The following KLRC2 variants were observed in gnomAD, a reference collection of about 807,000 sequenced individuals.
The protein encoded by KLRC2 is NKG2-C type II integral membrane protein.
Under a neutral mutation model 25.5 loss-of-function variants are expected in KLRC2, and 10 were observed. The observed-to-expected ratio is 0.39, with a 90% CI of 0.24 to 0.67. The LOEUF is 0.67. Among genes scored for constraint, KLRC2 ranks in the 30% least tolerant of loss-of-function variants. The pLI, the probability that KLRC2 is intolerant of heterozygous loss-of-function variation, is 0.45. For synonymous variants in KLRC2, 48 were observed against 93.3 expected (o/e 0.51, Z 2.80); for missense variants, 170 against 272.8 (o/e 0.62, Z 2.65).
In KLRC2 at chr12:10,434,091, C is replaced by G. The variant is rs1214643310; in HGVS notation, c.332-149G>C. On this transcript the variant is annotated intron_variant, in intron 3 of 5. Coordinates refer to ENST00000381902, the MANE Select transcript of KLRC2 (RefSeq NM_002260.4). ...AAATGTATATTTTTAATAACTGAGT[C>G]AGTCATACACACATGCACAGACAAG... is the stretch of plus-strand genomic sequence containing the variant. 9 of 1,213,086 alleles carry G rather than the reference C, an allele frequency of 7.4e-6. 1 individual carries two copies. Among genetic ancestry groups the G allele is most frequent in the Non-Finnish European group, 1.0e-5 (9 of 889,022 alleles). The allele number at this position is 1,213,086 out of a possible 1,614,324, so 75.1% of individuals were successfully genotyped here. A position where few individuals can be genotyped will look rare whatever the true frequency, so the allele number is the denominator to read the frequency against.
Position 10,431,743 on chromosome 12 carries a change from C to T in KLRC2, c.584+363G>A, listed in dbSNP as rs1555125941. Among the ~76,000 whole-genome samples, 2 of 136,206 alleles carry T rather than the reference C, an allele frequency of 1.5e-5. 1 individual carries two copies. The highest frequency in any genetic ancestry group is 3.2e-5 in the Non-Finnish European group (2 of 62,820). 89.4% of individuals were successfully genotyped at this position (136,206 alleles called of 152,430 possible). On this transcript the variant is annotated intron_variant, in intron 5 of 5. Coordinates refer to ENST00000381902, the MANE Select transcript of KLRC2 (RefSeq NM_002260.4). ...CAGGACAGCTTTGAATGCGGCCCAA[C>T]ACAAATACGTAAACTTTCTTAAAAC...
chr12:10,434,839 T>G (rs1424716456), intron 2 of KLRC2, among the ~76,000 whole-genome samples: 2 of 151,596 alleles, frequency 1.3e-5, no homozygotes, highest in African/African-American at 4.9e-5. Flanking sequence ...TATCTTTGTG[T>G]GTGTATGTAT....
Position 10,431,013 on chromosome 12 carries a change from AGAGC to A in KLRC2, c.*100_*103del, listed in dbSNP as rs1863804640. The A allele has an allele frequency of 6.2e-6, 7 of 1,126,672 alleles. No homozygotes were observed. Among genetic ancestry groups the A allele is most frequent in the Non-Finnish European group, 7.3e-6 (6 of 827,524 alleles). 69.8% of individuals were successfully genotyped at this position (1,126,672 alleles called of 1,614,324 possible). A position where few individuals can be genotyped will look rare whatever the true frequency, so the allele number is the denominator to read the frequency against. ...ATAATTGATTTAGAATTTTTGTATC[AGAGC>A]AAATAACATAATTCATTTTCAGATT... On this transcript the variant is annotated 3_prime_UTR_variant, in exon 6 of 6. Transcript: ENST00000381902.
chr12:10,433,280 A>G lies in KLRC2; in HGVS notation c.483+511T>C, dbSNP rs1565507147. Among the ~76,000 whole-genome samples the G allele has an allele frequency of 1.4e-5, 2 of 142,178 alleles. 1 individual carries two copies. Among genetic ancestry groups the G allele is most frequent in the Non-Finnish European group, 3.1e-5 (2 of 64,860 alleles). The allele number at this position is 142,178 out of a possible 152,430, so 93.3% of individuals were successfully genotyped here. ...AATATGGAGGAATTGCACAAATATC[A>G]GATAGGATTGAAAAAGACATGAAAT... is the stretch of plus-strand genomic sequence containing the variant. On this transcript the variant is annotated intron_variant, in intron 4 of 5. Coordinates refer to ENST00000381902, the MANE Select transcript of KLRC2 (RefSeq NM_002260.4).
chr12:10,431,777 ATTT>A (rs142647914), intron 5 of KLRC2, among the ~76,000 whole-genome samples: 6 of 120,854 alleles, frequency 5.0e-5, no homozygotes, highest in Non-Finnish European at 3.5e-5. Flanking sequence ...ACATTCTGTG[ATTT>A]TTTTTTTTTT....
In KLRC2 at chr12:10,430,985, T is replaced by G. The variant is rs1454787102; in HGVS notation, c.*132A>C. 5 of 1,187,120 alleles carry G rather than the reference T, an allele frequency of 4.2e-6. 1 individual carries two copies. The highest frequency in any genetic ancestry group is 5.6e-6 in the Non-Finnish European group (5 of 891,344). 73.5% of individuals were successfully genotyped at this position (1,187,120 alleles called of 1,614,324 possible). On this transcript the variant is annotated 3_prime_UTR_variant, in exon 6 of 6. Coordinates refer to ENST00000381902, the MANE Select transcript of KLRC2 (RefSeq NM_002260.4). Reference sequence around the variant, plus strand: ...CTTTAGTAATTGTGTGCATCCTATTTCAATAATTGATTTAGAATTTTTGTA... The same window carrying G: ...CTTTAGTAATTGTGTGCATCCTATTGCAATAATTGATTTAGAATTTTTGTA...
rs1863815781 is a variant in KLRC2 at position 10,431,557 on chromosome 12, T to TA, written c.585-330dup. Among the ~76,000 whole-genome samples, 3 of 141,508 alleles carry TA rather than the reference T, an allele frequency of 2.1e-5. No individual in the cohort carries two copies. In the South Asian group the frequency reaches 6.6e-4, roughly 31 times the overall value. 92.8% of individuals were successfully genotyped at this position (141,508 alleles called of 152,430 possible). On this transcript the variant is annotated intron_variant, in intron 5 of 5. Coordinates refer to ENST00000381902, the MANE Select transcript of KLRC2 (RefSeq NM_002260.4). ...AGAGATTGACAACAATAACTAATAA[T>TA]AAAAAAATTATAGCAATATGCCAAC...
chr12:10,431,046 G>A lies in KLRC2; in HGVS notation c.*71C>T. On this transcript the variant is annotated 3_prime_UTR_variant, in exon 6 of 6. Coordinates refer to ENST00000381902, the MANE Select transcript of KLRC2 (RefSeq NM_002260.4). The stretch of plus-strand genomic sequence containing the variant: ...TAACATAATTCATTTTCAGATTTAT[G>A]CAATCATAATATTTCTATTTTAAGA... 1 of 1,207,068 alleles carries A rather than the reference G, an allele frequency of 8.3e-7. No homozygotes were observed. The highest frequency in any genetic ancestry group is 1.1e-6 in the Non-Finnish European group (1 of 874,356). 74.8% of individuals were successfully genotyped at this position (1,207,068 alleles called of 1,614,324 possible). A position where few individuals can be genotyped will look rare whatever the true frequency, so the allele number is the denominator to read the frequency against.
intron 4 of KLRC2, among the ~76,000 whole-genome samples, chr12:10,433,211 C>T (rs1185026846): frequency 7.1e-6 from 1 of 141,736 alleles, no homozygotes; most frequent in African/African-American, 2.7e-5. Flanking sequence ...GTTCTTTGTA[C>T]ATAGTACAGC....
chr12:10,430,833 A>G lies in KLRC2; in HGVS notation c.*284T>C. On this transcript the variant is annotated 3_prime_UTR_variant, in exon 6 of 6. Coordinates refer to ENST00000381902, the MANE Select transcript of KLRC2 (RefSeq NM_002260.4). ...AACCACTATTCTACTTTCTGTCTCC[A>G]TGGGTTTGACTGTTCTTGGTACTTC... 6.8e-6 allele frequency: 3 copies of G among 440,592 alleles called. No homozygotes were observed. Among genetic ancestry groups the G allele is most frequent in the Non-Finnish European group, 9.9e-6 (3 of 304,266 alleles). The allele number at this position is 440,592 out of a possible 1,614,324, so 27.3% of individuals were successfully genotyped here.
In KLRC2 at chr12:10,432,612, G is replaced by C. The variant is rs1179406648; in HGVS notation, c.484-406C>G. Among the ~76,000 whole-genome samples, 4 of 139,170 alleles carry C rather than the reference G, an allele frequency of 2.9e-5. 1 individual carries two copies. The East Asian group carries it at 6.5e-4, about 23-fold the overall frequency. The allele number at this position is 139,170 out of a possible 152,430, so 91.3% of individuals were successfully genotyped here. ...GGAAGCTACAGATTGGGTTTTCTGG[G>C]TACCACACCATTCTTTAACTAGATA... On this transcript the variant is annotated intron_variant, in intron 4 of 5. Transcript: ENST00000381902.
At position 10,431,563 on chromosome 12, in the gene KLRC2, AATT is replaced by A. The variant is rs1436236417; in HGVS notation, c.585-338_585-336del. Among the ~76,000 whole-genome samples, 2 of 141,748 alleles carry A rather than the reference AATT, an allele frequency of 1.4e-5. 1 individual carries two copies. Among genetic ancestry groups the A allele is most frequent in the African/African-American group, 5.4e-5 (2 of 37,036 alleles). 93.0% of individuals were successfully genotyped at this position (141,748 alleles called of 152,430 possible). On this transcript the variant is annotated intron_variant, in intron 5 of 5. Transcript: ENST00000381902. The stretch of plus-strand genomic sequence containing the variant: ...TGACAACAATAACTAATAATAAAAA[AATT>A]ATAGCAATATGCCAACAGCACTATT...
In KLRC2 at chr12:10,431,190, A is replaced by T. The variant is rs757897651; in HGVS notation, c.623T>A (p.Val208Glu). 1.3e-6 allele frequency: 2 copies of T among 1,549,334 alleles called. No homozygotes were observed. The highest frequency in any genetic ancestry group is 1.1e-5 in the South Asian group (1 of 89,136). ...TGATTTAAGTCGATTTACTTGTAGC[A>T]CTGCACAGTTAAGTTCAGCATTATC... ...DSDNAELNCA[V>E]LQVNRLKSAQ... is the part of the protein sequence containing the mutation. The change falls in exon 6 of 6, where the codon GTG becomes GAG. Residue 208 changes from valine to glutamate, a missense_variant. Physicochemically the swap from Val to Glu is moderately radical, Grantham distance 121. This residue lies in a region of KLRC2 where 129 missense variants were observed against 150.2 expected (regional missense o/e 0.86). Transcript: ENST00000381902.
chr12:10,435,548 T>C, intron 1 of KLRC2, 138 bp from the exon 2 acceptor site: 2 of 1,385,912 alleles, frequency 1.4e-6, no homozygotes, highest in Non-Finnish European at 2.0e-6. Context: ...AATCTACATC[T>C]ACTCTAGTAA....
chr12:10,431,102 G>T lies in KLRC2; in HGVS notation c.*15C>A, dbSNP rs1013693124. 1 of 1,444,570 alleles carries T rather than the reference G, an allele frequency of 6.9e-7. No individual in the cohort carries two copies. The highest frequency in any genetic ancestry group is 2.4e-5 in the East Asian group (1 of 41,112). The allele number at this position is 1,444,570 out of a possible 1,614,324, so 89.5% of individuals were successfully genotyped here. The stretch of plus-strand genomic sequence containing the variant: ...AAAATGTATCTGATGCACTGCAAAC[G>T]CAAATGCTTTACTTCTAAAGCTTAT... On this transcript the variant is annotated 3_prime_UTR_variant, in exon 6 of 6. Coordinates refer to ENST00000381902, the MANE Select transcript of KLRC2 (RefSeq NM_002260.4).
chr12:10,433,746 C>T, intron 4 of KLRC2, 45 bp downstream of exon 4: 1 of 1,512,698 alleles, frequency 6.6e-7, no homozygotes, highest in Non-Finnish European at 9.0e-7. Flanking sequence ...GTATTATTCA[C>T]TGAAGGAAGC....
chr12:10,435,598 T>C (rs1863861399), intron 1 of KLRC2, among the ~76,000 whole-genome samples, 188 bp from the exon 2 acceptor site: 1 of 142,612 alleles, frequency 7.0e-6, no homozygotes, highest in African/African-American at 2.7e-5. Context: ...TCAGTAAATA[T>C]AATGTTCCAT....
rs1428168458 is a variant in KLRC2 at position 10,433,321 on chromosome 12, C to T, written c.483+470G>A. 7.9e-4 allele frequency among the ~76,000 whole-genome samples: 112 copies of T among 141,850 alleles called. 16 individuals are homozygous for T. Among genetic ancestry groups the T allele is most frequent in the Non-Finnish European group, 1.5e-5 (1 of 64,698 alleles). 93.1% of individuals were successfully genotyped at this position (141,850 alleles called of 152,430 possible). Reference sequence around the variant, plus strand: ...GACATGAAATTCACACTGCTTGATTCCCTTTATATAAATAAATTCAAGAAC... The same window carrying T: ...GACATGAAATTCACACTGCTTGATTTCCTTTATATAAATAAATTCAAGAAC... On this transcript the variant is annotated intron_variant, in intron 4 of 5. Coordinates refer to ENST00000381902, the MANE Select transcript of KLRC2 (RefSeq NM_002260.4).
In KLRC2 at chr12:10,431,762, T is replaced by A. The variant is rs1463492711; in HGVS notation, c.584+344A>T. ...GCCCAACACAAATACGTAAACTTTC[T>A]TAAAACATTCTGTGATTTTTTTTTT... On this transcript the variant is annotated intron_variant, in intron 5 of 5. Transcript: ENST00000381902. 1.7e-5 allele frequency among the ~76,000 whole-genome samples: 2 copies of A among 116,372 alleles called. 1 individual carries two copies. The highest frequency in any genetic ancestry group is 5.2e-4 in the South Asian group (2 of 3,820). 76.3% of individuals were successfully genotyped at this position (116,372 alleles called of 152,430 possible).
Sources: allele counts gnomAD v4.1 joint callset (sites outside exome capture counted in the v4.1 genomes callset), GRCh38; gene constraint gnomAD v4.1.1; regional missense constraint gnomAD v4.1.1; transcripts MANE v1.5; gene names NCBI Gene and HGNC (gene_info 2026-07-23, HGNC 2026-07-21).